CUX1: variants seen among roughly 807,000 people sequenced by gnomAD.
CUX1 encodes protein CASP.
In CUX1, 31 loss-of-function variants were observed where a neutral mutation model predicts 158.8. The observed-to-expected ratio is 0.20, with a 90% CI of 0.15 to 0.26. CUX1 has a LOEUF of 0.26. Ranked by LOEUF, CUX1 falls within the 10% of genes least tolerant of loss-of-function variation. CUX1 has a pLI of 1.00. For missense variants in CUX1, 1,589 were observed against 2,014.6 expected (o/e 0.79, Z 4.04); for synonymous variants, 879 against 862.1 (o/e 1.02, Z -0.34).
rs566254155 is a variant in CUX1 at position 101,970,370 on chromosome 7, G to A, written c.141+54145G>A. 4.2e-4 allele frequency among the ~76,000 whole-genome samples: 64 copies of A among 152,102 alleles called. 1 individual carries two copies. The South Asian group carries it at 0.011, about 27-fold the overall frequency. ...CTTCCTTAGCTTGGCCCGGGGGTGC[G>A]TTGGAGGGGGCTGTTCCCACCTGCA... is the stretch of plus-strand genomic sequence containing the variant. On this transcript the variant is annotated intron_variant, in intron 2 of 23. Transcript: ENST00000292535.
intron 2 of CUX1, among the ~76,000 whole-genome samples, chr7:101,983,990 T>C (rs1489610180): frequency 2.7e-5 from 4 of 147,568 alleles, no homozygotes; most frequent in African/African-American, 7.6e-5. Context: ...GCTGAGATTG[T>C]GCCACTGCAC....
At chr7:102,171,439 GTT>G (rs797042419) in intron 10 of CUX1, among the ~76,000 whole-genome samples, 1 of 141,724 alleles carries the variant, frequency 7.1e-6, no homozygotes, top group Admixed American at 7.1e-5. Context: ...TCAGTTTTGG[GTT>G]TTTTTTTTTT....
chr7:102,001,280 C>T (rs111598600), intron 2 of CUX1, among the ~76,000 whole-genome samples: 6,166 of 152,238 alleles, frequency 0.041, 437 homozygotes, highest in African/African-American at 0.14. Context: ...CTTCCTCCCT[C>T]TCTTAACCAA....
intron 2 of CUX1, among the ~76,000 whole-genome samples, chr7:102,006,975 G>A (rs115209543): frequency 4.5e-4 from 68 of 152,210 alleles, no homozygotes; most frequent in African/African-American, 1.5e-3. Flanking sequence ...TCGCCAGCGC[G>A]GGCCTCCTCC....
At chr7:102,166,362 G>C (rs1791034250) in intron 9 of CUX1, among the ~76,000 whole-genome samples, 1 of 152,314 alleles carries the variant, frequency 6.6e-6, no homozygotes, top group Admixed American at 6.5e-5. Flanking sequence ...TCTCATGGTG[G>C]GGCAGACACA....
At chr7:102,205,834 G>A (rs1795889946) in intron 20 of CUX1, among the ~76,000 whole-genome samples, 1 of 152,084 alleles carries the variant, frequency 6.6e-6, no homozygotes, top group African/African-American at 2.4e-5. Flanking sequence ...CCTGGACACA[G>A]CCCACCGAGG....
chr7:101,898,178 T>A (rs1801725969), intron 1 of CUX1, among the ~76,000 whole-genome samples: 1 of 152,146 alleles, frequency 6.6e-6, no homozygotes, highest in Non-Finnish European at 1.5e-5. Context: ...AGCAGAATGA[T>A]TGAAAACATG....
rs1790057775 is a variant in CUX1, at chr7:102,158,620, G to C, written c.723+12G>C. 6.2e-7 allele frequency: 1 copy of C among 1,613,902 alleles called. No individual in the cohort carries two copies. Among genetic ancestry groups the C allele is most frequent in the Non-Finnish European group, 8.5e-7 (1 of 1,179,856 alleles). On this transcript the variant is annotated intron_variant, in intron 9 of 23. Coordinates refer to ENST00000292535, the MANE Select transcript of CUX1 (RefSeq NM_181552.4). ...AAAGGGCAAACCAGGTAGGACCCTGGACGCTTTTAGTCCTAAAACCCACAA... is the reference window on the plus strand; with the variant it reads ...AAAGGGCAAACCAGGTAGGACCCTGCACGCTTTTAGTCCTAAAACCCACAA...
intron 13 of CUX1, chr7:102,194,212 G>GA (rs1368964088): frequency 1.1e-5 from 4 of 348,500 alleles, no homozygotes; most frequent in African/African-American, 8.4e-5. Context: ...GGCAAAAAGA[G>GA]AAAAGCTAGT....
intron 1 of CUX1, among the ~76,000 whole-genome samples, chr7:101,876,720 A>G (rs1799182599): frequency 6.6e-6 from 1 of 152,116 alleles, no homozygotes; most frequent in African/African-American, 2.4e-5. Context: ...TGAAAAAGAA[A>G]ATATCTTTCA....
At chr7:102,008,826 G>T (rs1585257332) in intron 2 of CUX1, among the ~76,000 whole-genome samples, 1 of 152,186 alleles carries the variant, frequency 6.6e-6, no homozygotes, top group East Asian at 1.9e-4. Context: ...GGTGAATCCT[G>T]ATGCGCACCC....
chr7:102,132,336 A>G (rs1377413018), intron 8 of CUX1, among the ~76,000 whole-genome samples: 6 of 151,162 alleles, frequency 4.0e-5, no homozygotes, highest in African/African-American at 1.5e-4. Context: ...CGCCACGCAC[A>G]CACGCATCTT....
intron 3 of CUX1, among the ~76,000 whole-genome samples, chr7:102,052,638 T>C (rs1242574080): frequency 6.6e-6 from 1 of 152,224 alleles, no homozygotes; most frequent in Non-Finnish European, 1.5e-5. Flanking sequence ...TAAACACTTT[T>C]GTCTTTCTTG....
At chr7:101,936,970 A>AC (rs971196682) in intron 2 of CUX1, among the ~76,000 whole-genome samples, 1 of 152,148 alleles carries the variant, frequency 6.6e-6, no homozygotes, top group Non-Finnish European at 1.5e-5. Flanking sequence ...CCCTAGACTT[A>AC]GTGAGACACA....
chr7:101,982,235 TGTAA>T (rs1813535779), intron 2 of CUX1, among the ~76,000 whole-genome samples: 1 of 152,166 alleles, frequency 6.6e-6, no homozygotes, highest in Non-Finnish European at 1.5e-5. Context: ...CATCTTCCAC[TGTAA>T]GTGAGAAAAG....
intron 1 of CUX1, among the ~76,000 whole-genome samples, chr7:101,840,798 C>CCTGAGACTTTAGAATGGTGG (rs1795124340): frequency 1.3e-5 from 2 of 152,064 alleles, no homozygotes; most frequent in Admixed American, 1.3e-4. Flanking sequence ...ACCATCAGGG[C>CCTGAGACTTTAGAATGGTGG]CTGAGACTTT....
At chr7:102,109,170 C>A (rs1273632203) in intron 6 of CUX1, among the ~76,000 whole-genome samples, 1 of 151,998 alleles carries the variant, frequency 6.6e-6, no homozygotes, top group Admixed American at 6.6e-5. Context: ...AAAACAGATT[C>A]TCAAAAACAA....
chr7:102,010,192 G>A (rs558522414), intron 2 of CUX1, among the ~76,000 whole-genome samples: 134 of 152,072 alleles, frequency 8.8e-4, no homozygotes, highest in African/African-American at 3.0e-3. Flanking sequence ...TCAGGAGTTC[G>A]AGACCAGCCT....
chr7:102,275,461 C>A, intron 17 of CUX1: 1 of 925,482 alleles, frequency 1.1e-6, no homozygotes. Flanking sequence ...CCGTAAACCT[C>A]AGGGGGAAGA....
Sources: allele counts gnomAD v4.1 joint callset (sites outside exome capture counted in the v4.1 genomes callset), GRCh38; gene constraint gnomAD v4.1.1; transcripts MANE v1.5; gene names NCBI Gene and HGNC (gene_info 2026-07-23, HGNC 2026-07-21).